The following XYLB variants were observed in gnomAD, a reference collection of about 807,000 sequenced individuals.
XYLB encodes xylulose kinase.
XYLB carries 62 observed loss-of-function variants against 78.7 expected under a neutral mutation model. The ratio of observed to expected loss-of-function variants is 0.79; its 90% CI spans 0.64 to 0.97. The LOEUF (loss-of-function observed/expected upper bound fraction) is 0.97. XYLB is among the 50% of genes least tolerant of loss of function. XYLB has a pLI of 0.00. For missense variants in XYLB, 687 were observed against 676.8 expected, an observed-to-expected ratio of 1.02 and a Z score of -0.17; for synonymous variants, 245 against 247.4, an observed-to-expected ratio of 0.99 and a Z score of 0.09.
chr3:38,428,795 G>A, the XYLB span, among the ~76,000 whole-genome samples: 1 of 152,022 alleles, frequency 6.6e-6, no homozygotes, highest in Non-Finnish European at 1.5e-5. Context: ...CTTACTATTT[G>A]TTTTCTATTT....
intron 17 of XYLB, 129 bp from the exon 18 acceptor site, chr3:38,400,762 G>A (rs559094083): frequency 3.0e-6 from 2 of 665,258 alleles, no homozygotes; most frequent in South Asian, 2.0e-5. Context: ...TAAATGTACT[G>A]AATTGTGCAA....
chr3:38,390,891 T>C (rs1707622243), intron 15 of XYLB, among the ~76,000 whole-genome samples: 1 of 152,124 alleles, frequency 6.6e-6, no homozygotes, highest in Non-Finnish European at 1.5e-5. Flanking sequence ...TAAAACATAT[T>C]AATCAAACAT....
At chr3:38,395,701 C>T in intron 16 of XYLB, 138 bp downstream of exon 16, 2 of 875,940 alleles carry the variant, frequency 2.3e-6, no homozygotes, top group Non-Finnish European at 3.7e-6. Flanking sequence ...CTCCAGGAAG[C>T]AGCTCTGTTG....
rs906756725 is a variant in XYLB, at chr3:38,370,088, A to T, written c.679A>T (p.Lys227Ter). 1 of 1,614,178 alleles carries T rather than the reference A, an allele frequency of 6.2e-7. No homozygotes were observed. The highest frequency in any genetic ancestry group is 8.5e-7 in the Non-Finnish European group (1 of 1,180,024). The change falls in exon 9 of 19, where the codon AAA becomes TAA. Residue 227 changes from lysine (K) to a stop codon, truncating the protein, a stop_gained. Coordinates refer to ENST00000207870, the MANE Select transcript of XYLB (RefSeq NM_005108.4). LOFTEE classifies it high-confidence loss of function. ...SGMNLLQIQD[K>*]VWSQACLGAC... The stretch of plus-strand genomic sequence containing the variant: ...AATGAATTTGTTGCAGATACAGGAT[A>T]AAGTCTGGTCCCAGGCTTGCCTTGG...
intron 15 of XYLB, among the ~76,000 whole-genome samples, chr3:38,380,245 T>C (rs1026465599): frequency 2.0e-5 from 3 of 151,916 alleles, no homozygotes; most frequent in Non-Finnish European, 4.4e-5. Flanking sequence ...ATTCAAACCA[T>C]AGCAACTGGC....
chr3:38,418,715 T>G (rs1708881284), downstream of XYLB, among the ~76,000 whole-genome samples: 1 of 152,240 alleles, frequency 6.6e-6, no homozygotes, highest in African/African-American at 2.4e-5. Flanking sequence ...TTTTATAGTT[T>G]TTAGTGTATG....
intron 18 of XYLB, among the ~76,000 whole-genome samples, chr3:38,408,906 C>A (rs1708452057): frequency 6.6e-6 from 1 of 152,224 alleles, no homozygotes; most frequent in East Asian, 1.9e-4. Flanking sequence ...AGCTTACCAA[C>A]CAAAAAGAGT....
chr3:38,358,904 C>T (rs1202842551), intron 2 of XYLB, among the ~76,000 whole-genome samples: 1 of 152,176 alleles, frequency 6.6e-6, no homozygotes, highest in Non-Finnish European at 1.5e-5. Context: ...GAAACTACCA[C>T]CACAATCAAG....
chr3:38,381,449 C>G (rs1462187006), intron 15 of XYLB, among the ~76,000 whole-genome samples: 1 of 152,166 alleles, frequency 6.6e-6, no homozygotes, highest in Non-Finnish European at 1.5e-5. Flanking sequence ...GAAAAAAGAA[C>G]AGGATAACAG....
chr3:38,379,990 G>A (rs1386504826), intron 15 of XYLB, among the ~76,000 whole-genome samples: 1 of 152,210 alleles, frequency 6.6e-6, no homozygotes, highest in Non-Finnish European at 1.5e-5. Flanking sequence ...GAGTCCTGAG[G>A]AGGTAGAGGG....
the XYLB span, among the ~76,000 whole-genome samples, chr3:38,441,109 G>A: frequency 6.6e-6 from 1 of 152,154 alleles, no homozygotes; most frequent in Non-Finnish European, 1.5e-5. Context: ...GTGTAAGACT[G>A]CCACCTCCTT....
intron 9 of XYLB, 200 bp from the exon 10 acceptor site, chr3:38,372,455 A>C: frequency 2.0e-6 from 2 of 985,252 alleles, no homozygotes; most frequent in South Asian, 4.7e-5. Context: ...CCTGCACTGG[A>C]CTTCTCTGGC....
At chr3:38,394,390 C>T (rs1253962443) in intron 15 of XYLB, among the ~76,000 whole-genome samples, 6 of 152,144 alleles carry the variant, frequency 3.9e-5, no homozygotes, top group African/African-American at 1.4e-4. Flanking sequence ...TTGTATCTGG[C>T]AAACTTATTA....
the XYLB span, among the ~76,000 whole-genome samples, chr3:38,435,052 C>T: frequency 6.6e-6 from 1 of 152,104 alleles, no homozygotes; most frequent in Non-Finnish European, 1.5e-5. Flanking sequence ...CTGAGAATCA[C>T]TTGAACCCAG....
chr3:38,368,283 G>A (rs1706369099), intron 8 of XYLB, 26 bp downstream of exon 8: 1 of 1,609,506 alleles, frequency 6.2e-7, no homozygotes, highest in African/African-American at 1.3e-5. Context: ...TGGGGTGGGT[G>A]CCTGGGCAGT....
At chr3:38,405,232 CTG>C (rs1708263914) in intron 18 of XYLB, among the ~76,000 whole-genome samples, 1 of 151,790 alleles carries the variant, frequency 6.6e-6, no homozygotes, top group Admixed American at 6.6e-5. Context: ...TTTTTAATGA[CTG>C]TATAATATTC....
intron 17 of XYLB, among the ~76,000 whole-genome samples, chr3:38,398,426 C>A (rs1239768683): frequency 6.6e-6 from 1 of 151,540 alleles, no homozygotes; most frequent in African/African-American, 2.4e-5. Flanking sequence ...CGAGATTGCG[C>A]CATTGCACTC....
intron 15 of XYLB, among the ~76,000 whole-genome samples, chr3:38,388,169 GTTTTTTTTTT>G (rs71085320): frequency 4.6e-5 from 5 of 109,346 alleles, no homozygotes; most frequent in African/African-American, 1.6e-4. Context: ...GTTTTTTTTT[GTTTTTTTTTT>G]TTTTTTTTTT....
chr3:38,416,516 C>T (rs1484761175), downstream of XYLB, among the ~76,000 whole-genome samples: 1 of 152,062 alleles, frequency 6.6e-6, no homozygotes, highest in East Asian at 1.9e-4. Context: ...TGTGAAAGGA[C>T]TTACCTATTA....
Sources: gnomAD v4.1 joint callset for allele counts (sites outside exome capture counted in the v4.1 genomes callset) on GRCh38, gnomAD v4.1.1 for gene constraint, MANE v1.5 for transcripts, NCBI Gene and HGNC (gene_info 2026-07-23, HGNC 2026-07-21) for gene names.